The following PHLPP1 variants were observed in gnomAD, a reference collection of about 807,000 sequenced individuals.
PHLPP1 encodes the protein PH domain and leucine rich repeat protein phosphatase 1.
Under a neutral mutation model 117.2 loss-of-function variants are expected in PHLPP1, and 42 were observed. That is an observed-to-expected ratio of 0.36 (90% confidence interval 0.28 to 0.46). PHLPP1 has a LOEUF of 0.46. Ranked by LOEUF, PHLPP1 falls within the 20% of genes least tolerant of loss-of-function variation. PHLPP1 has a pLI of 1.00. For missense variants in PHLPP1, 2,084 were observed against 2,241.9 expected, an observed-to-expected ratio of 0.93 and a Z score of 1.42; for synonymous variants, 1,042 against 970.7, an observed-to-expected ratio of 1.07 and a Z score of -1.37.
chr18:62,782,834 AT>A (rs1913156845), intron 1 of PHLPP1, among the ~76,000 whole-genome samples: 1 of 152,106 alleles, frequency 6.6e-6, no homozygotes, highest in Non-Finnish European at 1.5e-5. Flanking sequence ...TGCAGTGGTA[AT>A]TTTTGACAGA....
At chr18:62,920,357 CAT>C (rs1465113803) in intron 10 of PHLPP1, among the ~76,000 whole-genome samples, 1 of 152,172 alleles carries the variant, frequency 6.6e-6, no homozygotes, top group Non-Finnish European at 1.5e-5. Context: ...TGTCCATAAA[CAT>C]GTGTCATGGG....
chr18:62,975,250 C>T (rs1911154378), intron 15 of PHLPP1, 147 bp from the exon 16 acceptor site: 2 of 626,736 alleles, frequency 3.2e-6, no homozygotes, highest in African/African-American at 1.8e-5. Context: ...AGAGGCAGAG[C>T]AGTGTGTGCT....
At chr18:62,732,542 A>G (rs374861726) in intron 1 of PHLPP1, among the ~76,000 whole-genome samples, 3 of 152,340 alleles carry the variant, frequency 2.0e-5, no homozygotes, top group East Asian at 1.9e-4. Context: ...ATAGAGGTTA[A>G]TGTTGTTTTC....
At chr18:62,787,779 T>C (rs536587323) in intron 1 of PHLPP1, among the ~76,000 whole-genome samples, 277 of 152,166 alleles carry the variant, frequency 1.8e-3, no homozygotes, top group African/African-American at 6.5e-3. Flanking sequence ...CAATTAGCAT[T>C]ACCGTGCAGC....
rs35943627 is a variant in PHLPP1, at chr18:62,868,621, CAA to C, written c.2066+8038_2066+8039del. On this transcript the variant is annotated intron_variant, in intron 4 of 16. Transcript: ENST00000262719. ...TGAGTGACTGAGCGAGACTCTGTCT[CAA>C]AAAAAAAAAAAAAAAAAGTTGTATC... Among the ~76,000 whole-genome samples, 121 of 67,238 alleles carry C rather than the reference CAA, an allele frequency of 1.8e-3. No individual in the cohort carries two copies. In the East Asian group the frequency reaches 0.024, roughly 14 times the overall value. 44.1% of individuals were successfully genotyped at this position (67,238 alleles called of 152,430 possible).
intron 1 of PHLPP1, among the ~76,000 whole-genome samples, chr18:62,822,291 T>TG (rs1568128099): frequency 6.9e-6 from 1 of 144,682 alleles, no homozygotes; most frequent in Non-Finnish European, 1.5e-5. Flanking sequence ...TTTTTGTTTT[T>TG]TTTTTTTTGA....
At chr18:62,768,701 C>G (rs995977885) in intron 1 of PHLPP1, among the ~76,000 whole-genome samples, 1 of 152,038 alleles carries the variant, frequency 6.6e-6, no homozygotes, top group Non-Finnish European at 1.5e-5. Flanking sequence ...AGAGGCTGCT[C>G]TAGGCATTCT....
chr18:62,935,862 G>A (rs1568166939), intron 10 of PHLPP1, among the ~76,000 whole-genome samples: 2 of 152,122 alleles, frequency 1.3e-5, no homozygotes, highest in East Asian at 3.9e-4. Flanking sequence ...AAATTAGCCG[G>A]GCTGGTGATG....
intron 1 of PHLPP1, among the ~76,000 whole-genome samples, chr18:62,758,417 G>A (rs943926585): frequency 1.3e-5 from 2 of 152,056 alleles, no homozygotes; most frequent in African/African-American, 2.4e-5. Flanking sequence ...GTATCCTTTC[G>A]TGCTCAACCC....
chr18:62,778,943 T>C (rs1333956541), intron 1 of PHLPP1, among the ~76,000 whole-genome samples: 3 of 152,240 alleles, frequency 2.0e-5, no homozygotes, highest in Non-Finnish European at 4.4e-5. Context: ...GGCTTGTATA[T>C]TGTTAATTCA....
Position 62,896,009 on chromosome 18 carries a change from A to G in PHLPP1, c.2442A>G (p.Leu814=). 5 of 1,586,524 alleles carry G rather than the reference A, an allele frequency of 3.2e-6. No individual in the cohort carries two copies. Among genetic ancestry groups the G allele is most frequent in the South Asian group, 2.2e-5 (2 of 90,326 alleles). The part of the protein sequence containing the change: ...RKMPHIKHVD[L]RLNVIRKLIA... ...TGCCTCACATTAAACATGTGGATCT[A>G]AGGTAACCATTTTTGAGAAATAGAT... Residue 814 remains leucine (L), a splice_region_variant and synonymous_variant, in exon 6 of 17, where the codon CTA becomes CTG. Coordinates refer to ENST00000262719, the MANE Select transcript of PHLPP1 (RefSeq NM_194449.4).
intron 1 of PHLPP1, among the ~76,000 whole-genome samples, chr18:62,787,134 G>A (rs1483370810): frequency 6.6e-6 from 1 of 152,060 alleles, no homozygotes; most frequent in African/African-American, 2.4e-5. Context: ...GAGAAAAGAT[G>A]TTTTACTCAG....
At chr18:62,905,099 A>T (rs1301973419) in intron 7 of PHLPP1, 125 bp from the exon 8 acceptor site, 1 of 467,792 alleles carries the variant, frequency 2.1e-6, no homozygotes, top group Non-Finnish European at 3.6e-6. Flanking sequence ...CAAATGATGT[A>T]TTGTACTTCC....
In PHLPP1 at chr18:62,895,854, A is replaced by G; in HGVS notation, c.2287A>G (p.Ser763Gly). 1 of 1,613,580 alleles carries G rather than the reference A, an allele frequency of 6.2e-7. No homozygotes were observed. The highest frequency in any genetic ancestry group is 1.3e-5 in the African/African-American group (1 of 75,068). The change falls in exon 6 of 17, where the codon AGT (serine) becomes GGT (glycine). Residue 763 changes from serine to glycine, a missense_variant. Physicochemically the swap from Ser to Gly is moderately conservative, Grantham distance 56 (BLOSUM62 0). Coordinates refer to ENST00000262719, the MANE Select transcript of PHLPP1 (RefSeq NM_194449.4). ...PAELENMKQL[S>G]YLGLSFNEFT... The stretch of plus-strand genomic sequence containing the variant: ...TGAGTTGGAGAACATGAAGCAGCTT[A>G]GTTATCTGGGTCTTTCTTTCAATGA...
intron 1 of PHLPP1, among the ~76,000 whole-genome samples, chr18:62,823,164 C>T (rs971435762): frequency 3.3e-5 from 5 of 151,940 alleles, no homozygotes; most frequent in African/African-American, 4.8e-5. Flanking sequence ...CTATAAAAGA[C>T]GAATCAAATA....
chr18:62,742,434 A>G (rs1366998363), intron 1 of PHLPP1, among the ~76,000 whole-genome samples: 1 of 151,996 alleles, frequency 6.6e-6, no homozygotes, highest in Non-Finnish European at 1.5e-5. Context: ...TACTGGCTTC[A>G]TGTAATTTTT....
chr18:62,818,251 C>T (rs1225090127), intron 1 of PHLPP1, among the ~76,000 whole-genome samples: 1 of 152,080 alleles, frequency 6.6e-6, no homozygotes, highest in Non-Finnish European at 1.5e-5. Context: ...TATTTTTGGG[C>T]CAGCCGCAGT....
At chr18:62,959,561 AT>A (rs1426828972) in intron 13 of PHLPP1, among the ~76,000 whole-genome samples, 1 of 152,090 alleles carries the variant, frequency 6.6e-6, no homozygotes, top group Non-Finnish European at 1.5e-5. Context: ...ACTTTTCTGA[AT>A]TTTCAGAATT....
At chr18:62,940,704 CAATATATTATCTTGTTTGTTTGTTTT>C (rs1236878867) in intron 10 of PHLPP1, among the ~76,000 whole-genome samples, 1 of 152,058 alleles carries the variant, frequency 6.6e-6, no homozygotes, top group Non-Finnish European at 1.5e-5. Flanking sequence ...AGTGTGGCAG[CAATATATTATCTTGTTTGTTTGTTTT>C]AATGTAAAAT....
Sources: allele counts gnomAD v4.1 joint callset (sites outside exome capture counted in the v4.1 genomes callset), GRCh38; gene constraint gnomAD v4.1.1; transcripts MANE v1.5; gene names NCBI Gene and HGNC (gene_info 2026-07-23, HGNC 2026-07-21).